DST: variants seen among roughly 807,000 people sequenced by gnomAD.
DST encodes the protein dystonin, also known as bullous pemphigoid antigen.
Under a neutral mutation model 875.2 loss-of-function variants are expected in DST, and 253 were observed. The ratio of observed to expected loss-of-function variants is 0.29; its 90% CI spans 0.26 to 0.32. DST has a LOEUF of 0.32. DST is among the 10% of genes least tolerant of loss of function. The pLI, the probability that DST is intolerant of heterozygous loss-of-function variation, is 1.00. For missense variants in DST, 8,287 were observed against 9,111.6 expected (o/e 0.91, Z 3.68); for synonymous variants, 3,124 against 3,197.1 (o/e 0.98, Z 0.77).
chr6:56,620,453 T>G lies in DST; in HGVS notation c.4929+4077A>C, dbSNP rs765308947. 7 of 1,614,218 alleles carry G rather than the reference T, an allele frequency of 4.3e-6. No homozygotes were observed. In the South Asian group the frequency reaches 6.6e-5, roughly 15 times the overall value. On this transcript the variant is annotated intron_variant, in intron 36 of 103. Transcript: ENST00000680361. Reference sequence around the variant, plus strand: ...GGTTTCAAGTTCCCTGCGGTACTGCTTGGCTTCACTTTCAGCCCTTATCTT... The same window carrying G: ...GGTTTCAAGTTCCCTGCGGTACTGCGTGGCTTCACTTTCAGCCCTTATCTT...
chr6:56,834,043 C>G (rs1427020764), intron 4 of DST, among the ~76,000 whole-genome samples: 1 of 152,060 alleles, frequency 6.6e-6, no homozygotes, highest in Non-Finnish European at 1.5e-5. Flanking sequence ...GCCTGGGCAA[C>G]ATAGCAAGAC....
chr6:56,867,803 A>C (rs1188225120), intron 3 of DST, among the ~76,000 whole-genome samples: 1 of 152,062 alleles, frequency 6.6e-6, no homozygotes, highest in African/African-American at 2.4e-5. Context: ...ACTGCACTCC[A>C]GTCTGGCGAC....
chr6:56,853,128 T>G (rs528514368), intron 3 of DST, among the ~76,000 whole-genome samples: 3 of 152,328 alleles, frequency 2.0e-5, no homozygotes, highest in Admixed American at 2.0e-4. Context: ...AAGACGTAGC[T>G]CTCTATTCTT....
chr6:56,625,123 G>T (rs766977726), intron 35 of DST, 34 bp downstream of exon 35: 3 of 1,386,984 alleles, frequency 2.2e-6, no homozygotes, highest in South Asian at 2.3e-5. Context: ...TTTCTTTTAT[G>T]CCCCTTCCCC....
chr6:56,901,895 G>A (rs1794305045), intron 2 of DST, among the ~76,000 whole-genome samples: 1 of 152,256 alleles, frequency 6.6e-6, no homozygotes, highest in East Asian at 1.9e-4. Context: ...ATTTACTGGA[G>A]AGCAGAAGGA....
rs1334080899 is a variant in DST, at chr6:56,470,253, C to A, written c.22351G>T (p.Ala7451Ser). The A allele has an allele frequency of 6.2e-7, 1 of 1,609,064 alleles. No homozygotes were observed. The highest frequency in any genetic ancestry group is 8.5e-7 in the Non-Finnish European group (1 of 1,177,256). Residue 7451 changes from alanine to serine, a missense_variant, in exon 96 of 104, where the codon GCA (alanine) becomes TCA (serine). Coordinates refer to ENST00000680361, the MANE Select transcript of DST (RefSeq NM_001374736.1). ...KFPTSRLEMS[A>S]VADIFDRDGD... ...TCTCTGTCAAAGATGTCTGCAACTG[C>A]GCTCATCTCCAAGCGACTGGTTGGA...
intron 36 of DST, chr6:56,616,291 C>T: frequency 6.2e-7 from 1 of 1,614,002 alleles, no homozygotes; most frequent in Non-Finnish European, 8.5e-7. Flanking sequence ...TAGTATCAGT[C>T]AGCATATGAG....
intron 9 of DST, chr6:56,692,707 T>C (rs1588684702): frequency 1.6e-6 from 2 of 1,289,650 alleles, no homozygotes; most frequent in Non-Finnish European, 2.0e-6. Context: ...TGGAGTGCTG[T>C]CTTTTTCTGA....
rs2152688654 is a variant in DST, at chr6:56,593,851, A to G, written c.12538T>C (p.Phe4180Leu). 3.1e-6 allele frequency: 5 copies of G among 1,613,936 alleles called. No individual in the cohort carries two copies. In the South Asian group the frequency reaches 5.5e-5, roughly 18 times the overall value. The change falls in exon 48 of 104, where the codon TTC (phenylalanine) becomes CTC (leucine). Residue 4180 changes from phenylalanine to leucine, a missense_variant. By Grantham distance (22) the Phe-to-Leu change is conservative (BLOSUM62 0). Around this residue, in one of 10 missense-constraint regions of DST, gnomAD observed 1,513 missense variants for 1,677.8 expected, o/e 0.90. Transcript: ENST00000680361. ...LMTKLKRQKS[F>L]SEDVISHKGD... ...TTGTGAGAAATAACGTCTTCTGAGA[A>G]ACTCTTCTGCCTCTTCAATTTGGTC...
intron 5 of DST, among the ~76,000 whole-genome samples, chr6:56,731,208 G>A (rs1161269809): frequency 6.6e-6 from 1 of 152,150 alleles, no homozygotes; most frequent in East Asian, 1.9e-4. Flanking sequence ...AGTGTTATCT[G>A]CTGGACTGTT....
chr6:56,626,785 C>A (rs2098738909), intron 34 of DST, among the ~76,000 whole-genome samples: 2 of 152,118 alleles, frequency 1.3e-5, no homozygotes, highest in African/African-American at 2.4e-5. Context: ...TGCAGCCCCC[C>A]TTTCCTCCAG....
rs1313575682 is a variant in DST at position 56,494,300 on chromosome 6, G to T, written c.20224-120C>A. The T allele has an allele frequency of 3.5e-6, 3 of 863,198 alleles. No individual in the cohort carries two copies. The Admixed American group carries it at 8.3e-5, about 24-fold the overall frequency. The allele number at this position is 863,198 out of a possible 1,614,324, so 53.5% of individuals were successfully genotyped here. A position where few individuals can be genotyped will look rare whatever the true frequency, so the allele number is the denominator to read the frequency against. ...TATTCATCTCTGTTTGCTCTCTCAG[G>T]GCAACCTTGACGCATTTATACTTTT... On this transcript the variant is annotated intron_variant, in intron 82 of 103. Coordinates refer to ENST00000680361, the MANE Select transcript of DST (RefSeq NM_001374736.1).
rs549186477 is a variant in DST at position 56,670,873 on chromosome 6, T to C, written c.1048-66A>G. 3.1e-5 allele frequency: 35 copies of C among 1,111,154 alleles called. No individual in the cohort carries two copies. In the African/African-American group the frequency reaches 5.3e-4, roughly 17 times the overall value. 68.8% of individuals were successfully genotyped at this position (1,111,154 alleles called of 1,614,324 possible). A position where few individuals can be genotyped will look rare whatever the true frequency, so the allele number is the denominator to read the frequency against. ...AAGCTAACTCAGATTAAGAACCTAC[T>C]ATGTGCCAAGCACTTTCCAAAATCT... On this transcript the variant is annotated intron_variant, in intron 9 of 103. Coordinates refer to ENST00000680361, the MANE Select transcript of DST (RefSeq NM_001374736.1).
chr6:56,621,321 A>AATTTCT (rs1278362873), intron 36 of DST, among the ~76,000 whole-genome samples: 4 of 152,254 alleles, frequency 2.6e-5, no homozygotes, highest in Non-Finnish European at 5.9e-5. Flanking sequence ...AAATTATACA[A>AATTTCT]AAACTTGAAA....
chr6:56,487,099 T>G lies in DST; in HGVS notation c.21047+5A>C. 1.2e-6 allele frequency: 2 copies of G among 1,613,596 alleles called. No homozygotes were observed. Among genetic ancestry groups the G allele is most frequent in the Non-Finnish European group, 1.7e-6 (2 of 1,179,698 alleles). ...GTAACCAAACTGTCTTAAAGAACAT[T>G]TTACCTTTCCACAGATTTTCCACAT... On this transcript the variant is annotated splice_donor_5th_base_variant and intron_variant, in intron 87 of 103. Coordinates refer to ENST00000680361, the MANE Select transcript of DST (RefSeq NM_001374736.1).
intron 9 of DST, among the ~76,000 whole-genome samples, chr6:56,686,730 TA>T (rs1297201238): frequency 6.6e-6 from 1 of 152,212 alleles, no homozygotes; most frequent in Non-Finnish European, 1.5e-5. Context: ...GCTCTGTGTC[TA>T]AAGGAGAGAA....
In DST at chr6:56,628,165, A is replaced by G; in HGVS notation, c.4476-4T>C. On this transcript the variant is annotated splice_region_variant and splice_polypyrimidine_tract_variant and intron_variant, in intron 32 of 103. Transcript: ENST00000680361. ...AATGCCCTCTAAGTCCCGTAACCTAAGAGAATAGTAACCGAATAGTCACGG... is the reference window on the plus strand; with the variant it reads ...AATGCCCTCTAAGTCCCGTAACCTAGGAGAATAGTAACCGAATAGTCACGG... 1 of 1,612,988 alleles carries G rather than the reference A, an allele frequency of 6.2e-7. No individual in the cohort carries two copies. Among genetic ancestry groups the G allele is most frequent in the Non-Finnish European group, 8.5e-7 (1 of 1,179,024 alleles).
chr6:56,910,722 T>C (rs904471499), intron 2 of DST, among the ~76,000 whole-genome samples: 3 of 150,402 alleles, frequency 2.0e-5, no homozygotes, highest in African/African-American at 7.4e-5. Context: ...TGACCTCAAA[T>C]GATCCACCCA....
Position 56,609,351 on chromosome 6 carries a change from G to A in DST, c.5284-7C>T, listed in dbSNP as rs1241856492. 6.3e-6 allele frequency: 10 copies of A among 1,576,682 alleles called. No homozygotes were observed. The Admixed American group carries it at 9.3e-5, about 15-fold the overall frequency. On this transcript the variant is annotated splice_polypyrimidine_tract_variant and splice_region_variant and intron_variant, in intron 39 of 103. Coordinates refer to ENST00000680361, the MANE Select transcript of DST (RefSeq NM_001374736.1). ...CTGCAATCACTTTATCCAGCTGAAA[G>A]GAAAATGCAAAAATCTCAGGTCACT...
Sources: allele counts gnomAD v4.1 joint callset (sites outside exome capture counted in the v4.1 genomes callset), GRCh38; gene constraint gnomAD v4.1.1; regional missense constraint gnomAD v4.1.1; transcripts MANE v1.5; gene names NCBI Gene and HGNC (gene_info 2026-07-23, HGNC 2026-07-21).